Variants in USP46 observed in about 807,000 individuals in gnomAD.
USP46 encodes ubiquitin specific peptidase 46.
A neutral mutation model predicts 44.4 loss-of-function variants in USP46; 12 were observed. That is an observed-to-expected ratio of 0.27 (90% confidence interval 0.17 to 0.44). USP46 has a LOEUF of 0.44. USP46 is among the 20% of genes least tolerant of loss of function. The pLI is 1.00. For synonymous variants in USP46, 155 were observed against 161.5 expected, an observed-to-expected ratio of 0.96 and a Z score of 0.31; for missense variants, 248 against 444.8, an observed-to-expected ratio of 0.56 and a Z score of 3.98.
chr4:52,602,231 C>T (rs1212742938), intron 6 of USP46, among the ~76,000 whole-genome samples, 177 bp from the exon 7 acceptor site: 1 of 152,218 alleles, frequency 6.6e-6, no homozygotes, highest in African/African-American at 2.4e-5. Flanking sequence ...ACTTATCCTA[C>T]ATCCCTGGCT....
At chr4:52,598,806 A>G in intron 7 of USP46, 100 bp from the exon 8 acceptor site, 1 of 1,149,032 alleles carries the variant, frequency 8.7e-7, no homozygotes, top group East Asian at 2.6e-5. Flanking sequence ...GGGAAAAAAA[A>G]CTATGTCATC....
intron 1 of USP46, among the ~76,000 whole-genome samples, chr4:52,637,749 A>G (rs1718170868): frequency 6.6e-6 from 1 of 152,194 alleles, no homozygotes; most frequent in Admixed American, 6.5e-5. Flanking sequence ...TCAACGCTGC[A>G]AAAAGTGCTC....
intron 5 of USP46, 88 bp from the exon 6 acceptor site, chr4:52,604,672 A>G (rs937496928): frequency 1.4e-5 from 12 of 830,446 alleles, no homozygotes; most frequent in Non-Finnish European, 2.0e-5. Flanking sequence ...CCTGTAGGGT[A>G]ATTTTTAAGT....
chr4:52,596,075 G>A lies in USP46; in HGVS notation c.*1565C>T, dbSNP rs1441719265. On this transcript the variant is annotated 3_prime_UTR_variant, in exon 9 of 9. Coordinates refer to ENST00000441222, the MANE Select transcript of USP46 (RefSeq NM_022832.4). ...GCATAAACAAACGAAATGTTGGCAT[G>A]CTTACTTAAGTTCTGAGCAATAAAC... The A allele has an allele frequency of 6.6e-6, 1 of 152,598 alleles. No homozygotes were observed. Among genetic ancestry groups the A allele is most frequent in the African/African-American group, 2.4e-5 (1 of 41,448 alleles). The allele number at this position is 152,598 out of a possible 1,614,324, so 9.5% of individuals were successfully genotyped here. A position where few individuals can be genotyped will look rare whatever the true frequency, so the allele number is the denominator to read the frequency against.
At chr4:52,603,074 T>A (rs1454185608) in intron 6 of USP46, among the ~76,000 whole-genome samples, 1 of 152,158 alleles carries the variant, frequency 6.6e-6, no homozygotes, top group Non-Finnish European at 1.5e-5. Flanking sequence ...TTTTAAGGAA[T>A]CTATTAAGGA....
chr4:52,647,024 G>T (rs1287971687), intron 1 of USP46, among the ~76,000 whole-genome samples: 1 of 152,198 alleles, frequency 6.6e-6, no homozygotes, highest in African/African-American at 2.4e-5. Flanking sequence ...GGACAAAGTT[G>T]TTCCTTACAG....
chr4:52,647,658 A>C (rs964438453), intron 1 of USP46, among the ~76,000 whole-genome samples: 2 of 152,216 alleles, frequency 1.3e-5, no homozygotes. Flanking sequence ...CACCACCAGC[A>C]TGTGTCTTCC....
chr4:52,599,978 C>G (rs1303099558), intron 7 of USP46, among the ~76,000 whole-genome samples: 2 of 152,172 alleles, frequency 1.3e-5, no homozygotes, highest in African/African-American at 4.8e-5. Context: ...GTCACCTCCC[C>G]AGATGAATCT....
At chr4:52,647,336 T>C (rs2109662713) in intron 1 of USP46, among the ~76,000 whole-genome samples, 1 of 152,334 alleles carries the variant, frequency 6.6e-6, no homozygotes, top group East Asian at 1.9e-4. Context: ...CTATAACTAT[T>C]GATAGATGCC....
chr4:52,598,435 G>C, intron 8 of USP46, 193 bp downstream of exon 8: 1 of 593,240 alleles, frequency 1.7e-6, no homozygotes, highest in South Asian at 2.0e-5. Flanking sequence ...GCGTCAGTGA[G>C]TCCATGATCA....
At chr4:52,657,518 CCTG>C (rs1280021672) in intron 1 of USP46, among the ~76,000 whole-genome samples, 5 of 152,268 alleles carry the variant, frequency 3.3e-5, no homozygotes, top group African/African-American at 1.2e-4. Context: ...GCCTCACTAC[CCTG>C]TAGTATCCTT....
Position 52,659,072 on chromosome 4 carries a change from C to G in USP46, c.36+43G>C. 6.5e-7 allele frequency: 1 copy of G among 1,537,528 alleles called. No individual in the cohort carries two copies. Among genetic ancestry groups the G allele is most frequent in the Non-Finnish European group, 8.7e-7 (1 of 1,143,602 alleles). On this transcript the variant is annotated intron_variant, in intron 1 of 8. Transcript: ENST00000441222. The surrounding 1 kb of genome is among the most constrained non-coding windows in gnomAD (Gnocchi z 4.2). ...AGCTCGGGCTTCCCTTTCTTTGCCT[C>G]GCCGCGAGTCGGGCGCGACCCCGAG...
At chr4:52,633,438 C>T (rs1402403855) in intron 1 of USP46, among the ~76,000 whole-genome samples, 1 of 152,072 alleles carries the variant, frequency 6.6e-6, no homozygotes, top group Non-Finnish European at 1.5e-5. Flanking sequence ...ATATACAAGG[C>T]TGAATTTTTG....
rs1006320498 is a variant in USP46 at position 52,596,571 on chromosome 4, T to A, written c.*1069A>T. ...TGAGCCACCTCTATACCCAGCTAAC[T>A]CTGGTATTCCCTCTAGGGAAGGTTC... is the stretch of plus-strand genomic sequence containing the variant. On this transcript the variant is annotated 3_prime_UTR_variant, in exon 9 of 9. Coordinates refer to ENST00000441222, the MANE Select transcript of USP46 (RefSeq NM_022832.4). 6.6e-6 allele frequency: 1 copy of A among 152,138 alleles called. No individual in the cohort carries two copies. Among genetic ancestry groups the A allele is most frequent in the Admixed American group, 6.5e-5 (1 of 15,288 alleles). The allele number at this position is 152,138 out of a possible 1,614,324, so 9.4% of individuals were successfully genotyped here.
At chr4:52,629,899 T>C (rs978072962) in intron 2 of USP46, among the ~76,000 whole-genome samples, 7 of 152,196 alleles carry the variant, frequency 4.6e-5, no homozygotes, top group Admixed American at 2.0e-4. Context: ...ACAGGCAGAA[T>C]TCAAACCGAG....
intron 1 of USP46, among the ~76,000 whole-genome samples, chr4:52,645,494 G>A (rs1003156659): frequency 1.3e-5 from 2 of 152,106 alleles, no homozygotes; most frequent in African/African-American, 2.4e-5. Flanking sequence ...TTGAGACCAT[G>A]CCTGTTTTCT....
intron 1 of USP46, among the ~76,000 whole-genome samples, chr4:52,650,784 C>T (rs930487676): frequency 3.9e-5 from 6 of 151,916 alleles, no homozygotes; most frequent in African/African-American, 1.2e-4. Context: ...TAATACAAAA[C>T]CTGGCTATTT....
rs895208370 is a variant in USP46 at position 52,592,664 on chromosome 4, C to T, written c.*4976G>A. The T allele has an allele frequency of 5.3e-6, 2 of 374,950 alleles. No individual in the cohort carries two copies. The highest frequency in any genetic ancestry group is 9.4e-6 in the Non-Finnish European group (2 of 211,950). 23.2% of individuals were successfully genotyped at this position (374,950 alleles called of 1,614,324 possible). A position where few individuals can be genotyped will look rare whatever the true frequency, so the allele number is the denominator to read the frequency against. On this transcript the variant is annotated 3_prime_UTR_variant, in exon 9 of 9. Coordinates refer to ENST00000441222, the MANE Select transcript of USP46 (RefSeq NM_022832.4). Reference sequence around the variant, plus strand: ...GACCAGCTTGGCCAATATGAGAAAACTTTGTATCTACTGAAAATACAAAAA... The same window carrying T: ...GACCAGCTTGGCCAATATGAGAAAATTTTGTATCTACTGAAAATACAAAAA...
intron 5 of USP46, among the ~76,000 whole-genome samples, chr4:52,606,626 C>A (rs1364840518): frequency 6.6e-6 from 1 of 152,164 alleles, no homozygotes; most frequent in Non-Finnish European, 1.5e-5. Context: ...GGAATTATTA[C>A]AATCCAATGA....
Sources: gnomAD v4.1 joint callset for allele counts (sites outside exome capture counted in the v4.1 genomes callset) on GRCh38, gnomAD v4.1.1 for gene constraint, Gnocchi (gnomAD v3.1) non-coding constraint, MANE v1.5 for transcripts, NCBI Gene and HGNC (gene_info 2026-07-23, HGNC 2026-07-21) for gene names.